TMEM135: variants seen among roughly 807,000 people sequenced by gnomAD.
TMEM135 encodes transmembrane protein 135.
A neutral mutation model predicts 60.3 loss-of-function variants in TMEM135; 30 were observed. That is an observed-to-expected ratio of 0.50 (90% CI 0.37 to 0.68). The LOEUF (loss-of-function observed/expected upper bound fraction) is 0.68, where lower values mean the gene tolerates loss of function less well. Among genes scored for constraint, TMEM135 ranks in the 30% least tolerant of loss-of-function variants. The pLI, the probability that TMEM135 is intolerant of heterozygous loss-of-function variation, is 0.00. For synonymous variants in TMEM135, 190 were observed against 186.7 expected (o/e 1.02, Z -0.14); for missense variants, 468 against 548.8 (o/e 0.85, Z 1.47).
At chr11:87,181,390 G>T (rs1277598389) in intron 5 of TMEM135, among the ~76,000 whole-genome samples, 1 of 152,120 alleles carries the variant, frequency 6.6e-6, no homozygotes, top group African/African-American at 2.4e-5. Context: ...GGACAAAGAG[G>T]TTGGTACAGA....
rs1034127121 is a variant in TMEM135 at position 87,269,961 on chromosome 11, A to G, written c.510-25821A>G. Among the ~76,000 whole-genome samples, 7 of 123,592 alleles carry G rather than the reference A, an allele frequency of 5.7e-5. 1 individual carries two copies. Among genetic ancestry groups the G allele is most frequent in the Non-Finnish European group, 1.3e-4 (7 of 53,516 alleles). 81.1% of individuals were successfully genotyped at this position (123,592 alleles called of 152,430 possible). Reference sequence around the variant, plus strand: ...GTTGAACTAGTTTACAGTCCCACCAACAGTGTAAAAGTGTTCCTGTTTCTC... The same window carrying G: ...GTTGAACTAGTTTACAGTCCCACCAGCAGTGTAAAAGTGTTCCTGTTTCTC... On this transcript the variant is annotated intron_variant, in intron 6 of 14. Transcript: ENST00000305494.
intron 1 of TMEM135, among the ~76,000 whole-genome samples, chr11:87,056,876 T>A (rs1264367953): frequency 2.0e-5 from 3 of 152,204 alleles, no homozygotes; most frequent in Non-Finnish European, 2.9e-5. Context: ...ATCTGAATAT[T>A]GTTGTTCAAT....
Position 87,309,626 on chromosome 11 carries a change from A to T in TMEM135, c.890A>T (p.Asn297Ile), listed in dbSNP as rs1415050220. The T allele has an allele frequency of 3.7e-6, 6 of 1,613,708 alleles. No individual in the cohort carries two copies. Among genetic ancestry groups the T allele is most frequent in the African/African-American group, 1.3e-5 (1 of 74,912 alleles). The change falls in exon 10 of 15, where the codon AAC becomes ATC. Residue 297 changes from asparagine (N) to isoleucine (I), a missense_variant. Asn to Ile is a moderately radical substitution (Grantham distance 149). Transcript: ENST00000305494. ...CTTTCTCTCTTCTACAATAAAGAAAACTTCCAGCTTGGAGCTTTTCTTGGC... is the reference window on the plus strand; with the variant it reads ...CTTTCTCTCTTCTACAATAAAGAAATCTTCCAGCTTGGAGCTTTTCTTGGC... ...RLLSLFYNKE[N>I]FQLGAFLGSF...
At chr11:87,176,870 T>G (rs1340413834) in intron 5 of TMEM135, among the ~76,000 whole-genome samples, 1 of 152,150 alleles carries the variant, frequency 6.6e-6, no homozygotes, top group African/African-American at 2.4e-5. Flanking sequence ...TAAAGGACAG[T>G]ATCAAGAGGG....
At chr11:87,053,743 C>T (rs1430760550) in intron 1 of TMEM135, among the ~76,000 whole-genome samples, 1 of 152,078 alleles carries the variant, frequency 6.6e-6, no homozygotes, top group African/African-American at 2.4e-5. Context: ...ATTTATTATT[C>T]TTCCATTATC....
chr11:87,205,323 G>C (rs1022778391), intron 5 of TMEM135, among the ~76,000 whole-genome samples: 3 of 152,316 alleles, frequency 2.0e-5, no homozygotes, highest in Middle Eastern at 3.4e-3. Context: ...TGGATTTTTA[G>C]TAGGCAATAA....
At chr11:87,164,019 C>G (rs201375229) in intron 5 of TMEM135, among the ~76,000 whole-genome samples, 81,924 of 133,038 alleles carry the variant, frequency 0.62, 27,689 homozygotes, top group East Asian at 0.9. Context: ...GTTTCTTTTG[C>G]TGTGCAGAAG....
intron 5 of TMEM135, among the ~76,000 whole-genome samples, chr11:87,215,870 T>C (rs1432378832): frequency 6.6e-6 from 1 of 152,184 alleles, no homozygotes; most frequent in East Asian, 1.9e-4. Flanking sequence ...TCTCCTGTTT[T>C]CCCTCTCCCT....
At chr11:87,178,159 T>A (rs921897174) in intron 5 of TMEM135, among the ~76,000 whole-genome samples, 2 of 151,938 alleles carry the variant, frequency 1.3e-5, no homozygotes, top group African/African-American at 4.9e-5. Flanking sequence ...GAGGTGCTGT[T>A]GGCCTAGAGT....
intron 6 of TMEM135, chr11:87,277,279 G>A: frequency 2.6e-6 from 1 of 382,930 alleles, no homozygotes; most frequent in Non-Finnish European, 5.2e-6. Flanking sequence ...TTACAGATTT[G>A]TGCCACCATG....
intron 2 of TMEM135, 98 bp downstream of exon 2, chr11:87,067,919 C>A: frequency 6.9e-7 from 1 of 1,444,772 alleles, no homozygotes; most frequent in Non-Finnish European, 9.6e-7. Context: ...TTACTATCCC[C>A]GCCCCCCCTT....
rs760553521 is a variant in TMEM135, at chr11:87,263,002, G to GA, written c.509+26318_509+26319insA. Among the ~76,000 whole-genome samples, 399 of 139,038 alleles carry GA rather than the reference G, an allele frequency of 2.9e-3. 1 individual carries two copies. Among genetic ancestry groups the GA allele is most frequent in the East Asian group, 0.01 (45 of 4,370 alleles). The allele number at this position is 139,038 out of a possible 152,430, so 91.2% of individuals were successfully genotyped here. A position where few individuals can be genotyped will look rare whatever the true frequency, so the allele number is the denominator to read the frequency against. ...TCAAAGCATTCAACTCAGTTTTCAT[G>GA]GAAAAAAAAAACCTTTCTTCCTTTT... On this transcript the variant is annotated intron_variant, in intron 6 of 14. Coordinates refer to ENST00000305494, the MANE Select transcript of TMEM135 (RefSeq NM_022918.4).
At chr11:87,117,466 A>G (rs1283666318) in intron 4 of TMEM135, among the ~76,000 whole-genome samples, 1 of 152,194 alleles carries the variant, frequency 6.6e-6, no homozygotes, top group Non-Finnish European at 1.5e-5. Flanking sequence ...AATTAAGTTT[A>G]TGTAATATTC....
intron 1 of TMEM135, among the ~76,000 whole-genome samples, chr11:87,044,528 T>C (rs1310541346): frequency 6.6e-6 from 1 of 152,146 alleles, no homozygotes; most frequent in Non-Finnish European, 1.5e-5. Context: ...TAATCCCTCT[T>C]TGATTTTTGC....
chr11:87,129,738 G>A (rs1156499287), intron 4 of TMEM135, among the ~76,000 whole-genome samples: 1 of 151,646 alleles, frequency 6.6e-6, no homozygotes. Context: ...ATGTGGTTTT[G>A]CCATGTTAGC....
intron 6 of TMEM135, among the ~76,000 whole-genome samples, chr11:87,293,274 G>A (rs6592352): frequency 0.63 from 95,848 of 151,942 alleles, 30,510 homozygotes; most frequent in Non-Finnish European, 0.67. Context: ...TGTGTAAGGT[G>A]GAAAATTATG....
At chr11:87,141,317 C>G (rs146118242) in intron 4 of TMEM135, among the ~76,000 whole-genome samples, 125 of 151,942 alleles carry the variant, frequency 8.2e-4, no homozygotes, top group Non-Finnish European at 1.5e-3. Flanking sequence ...AAGCTTTATT[C>G]CTAAATGTTT....
At chr11:87,145,834 C>G (rs1938399069) in intron 4 of TMEM135, among the ~76,000 whole-genome samples, 1 of 151,974 alleles carries the variant, frequency 6.6e-6, no homozygotes, top group Non-Finnish European at 1.5e-5. Context: ...GTTATTCATT[C>G]TTTATTGGAT....
intron 4 of TMEM135, among the ~76,000 whole-genome samples, chr11:87,138,039 A>T (rs1344197611): frequency 2.6e-5 from 4 of 151,892 alleles, no homozygotes; most frequent in Non-Finnish European, 4.4e-5. Context: ...TGTGTACTGA[A>T]TGAAAACAGG....
Sources: gnomAD v4.1 joint callset for allele counts (sites outside exome capture counted in the v4.1 genomes callset) on GRCh38, gnomAD v4.1.1 for gene constraint, MANE v1.5 for transcripts, NCBI Gene and HGNC (gene_info 2026-07-23, HGNC 2026-07-21) for gene names.